The following PDZRN4 variants were observed in gnomAD, a reference collection of about 807,000 sequenced individuals.
The protein encoded by PDZRN4 is PDZ domain containing ring finger 4, also known as PDZ domain-containing RING finger protein 4.
A neutral mutation model predicts 99.0 loss-of-function variants in PDZRN4; 70 were observed. The observed-to-expected ratio is 0.71, with a 90% CI of 0.58 to 0.86. PDZRN4 has a LOEUF of 0.86. Ranked by LOEUF, PDZRN4 falls within the 40% of genes least tolerant of loss-of-function variation. PDZRN4 has a pLI of 0.00. For synonymous variants in PDZRN4, 551 were observed against 501.6 expected (o/e 1.10, Z -1.32); for missense variants, 1,474 against 1,331.2 (o/e 1.11, Z -1.67).
chr12:41,222,243 T>A (rs1250651431), intron 3 of PDZRN4, among the ~76,000 whole-genome samples: 1 of 152,198 alleles, frequency 6.6e-6, no homozygotes, highest in Non-Finnish European at 1.5e-5. Flanking sequence ...GACCTGCAGC[T>A]CATTTCCTGC....
intron 5 of PDZRN4, among the ~76,000 whole-genome samples, chr12:41,538,800 A>G (rs1414123423): frequency 1.3e-5 from 2 of 152,144 alleles, no homozygotes; most frequent in African/African-American, 4.8e-5. Context: ...TGTCATCATC[A>G]TTATACAAAC....
At chr12:41,489,196 C>G (rs1937833952) in intron 3 of PDZRN4, among the ~76,000 whole-genome samples, 1 of 152,052 alleles carries the variant, frequency 6.6e-6, no homozygotes, top group South Asian at 2.1e-4. Context: ...AAAGGTTGGA[C>G]ACCTCTGCTA....
intron 3 of PDZRN4, among the ~76,000 whole-genome samples, chr12:41,419,261 C>A (rs1284062643): frequency 6.6e-6 from 1 of 152,110 alleles, no homozygotes; most frequent in African/African-American, 2.4e-5. Context: ...GTCCTTGCTG[C>A]CAAATCATGT....
In PDZRN4 at chr12:41,189,019, G is replaced by A; in HGVS notation, c.564G>A (p.Thr188=). The A allele has an allele frequency of 6.4e-7, 1 of 1,559,496 alleles. No individual in the cohort carries two copies. The highest frequency in any genetic ancestry group is 8.6e-7 in the Non-Finnish European group (1 of 1,160,874). ...CGCTGCAGGGCGAGGTGCAGCTCACGGCGCGCAGGTACCAGGAGAAGTTCA... is the reference window on the plus strand; with the variant it reads ...CGCTGCAGGGCGAGGTGCAGCTCACAGCGCGCAGGTACCAGGAGAAGTTCA... ...LWALQGEVQL[T]ARRYQEKFTQ... is the part of the protein sequence containing the mutation. Residue 188 remains threonine (T), a synonymous_variant, in exon 1 of 10, where the codon ACG becomes ACA. Coordinates refer to ENST00000402685, the MANE Select transcript of PDZRN4 (RefSeq NM_001164595.2).
intron 9 of PDZRN4, 76 bp downstream of exon 9, chr12:41,567,975 T>C (rs2120849129): frequency 1.2e-6 from 1 of 832,198 alleles, no homozygotes; most frequent in East Asian, 2.6e-5. Context: ...TAAATGAAGA[T>C]GAAAACAAAA....
chr12:41,231,615 T>A (rs930260342), intron 3 of PDZRN4, among the ~76,000 whole-genome samples: 2 of 152,144 alleles, frequency 1.3e-5, no homozygotes, highest in Non-Finnish European at 2.9e-5. Flanking sequence ...TAGTCATTTT[T>A]ACTGTTTCAA....
intron 5 of PDZRN4, among the ~76,000 whole-genome samples, chr12:41,547,481 C>G (rs1011208612): frequency 2.0e-5 from 3 of 152,060 alleles, no homozygotes; most frequent in African/African-American, 7.2e-5. Flanking sequence ...CAAAAATTAG[C>G]CAGGGGTGGT....
At chr12:41,550,412 T>G (rs1939032503) in intron 5 of PDZRN4, among the ~76,000 whole-genome samples, 1 of 152,336 alleles carries the variant, frequency 6.6e-6, no homozygotes, top group Admixed American at 6.5e-5. Flanking sequence ...ACCTTGTTGC[T>G]GTAATTGAAG....
At chr12:41,471,770 AT>A (rs1952993109) in intron 3 of PDZRN4, among the ~76,000 whole-genome samples, 1 of 151,276 alleles carries the variant, frequency 6.6e-6, no homozygotes, top group Non-Finnish European at 1.5e-5. Context: ...TCGTTGAAAA[AT>A]ATGCTGAGAA....
chr12:41,291,347 G>A (rs1951455674), intron 3 of PDZRN4, among the ~76,000 whole-genome samples: 1 of 152,198 alleles, frequency 6.6e-6, no homozygotes, highest in South Asian at 2.1e-4. Flanking sequence ...TTAGGTGAAG[G>A]CCTTCGTGAG....
At chr12:41,384,869 G>A (rs11180875) in intron 3 of PDZRN4, among the ~76,000 whole-genome samples, 2,408 of 152,270 alleles carry the variant, frequency 0.016, 60 homozygotes, top group East Asian at 0.091. Context: ...TAAAGGTGGT[G>A]TATGCTAAAC....
chr12:41,319,166 AC>A (rs1303081536), intron 3 of PDZRN4, among the ~76,000 whole-genome samples: 2 of 152,074 alleles, frequency 1.3e-5, no homozygotes, highest in African/African-American at 4.8e-5. Flanking sequence ...AACAACAGAG[AC>A]CTTAACCTCC....
At chr12:41,457,575 G>A (rs1268056845) in intron 3 of PDZRN4, among the ~76,000 whole-genome samples, 1 of 152,104 alleles carries the variant, frequency 6.6e-6, no homozygotes, top group Admixed American at 6.5e-5. Flanking sequence ...AATAAAATGA[G>A]GGATTATTGT....
intron 3 of PDZRN4, among the ~76,000 whole-genome samples, chr12:41,311,271 AT>A (rs5797724): frequency 0.95 from 142,648 of 150,158 alleles, 68,200 homozygotes; most frequent in East Asian, 1. Flanking sequence ...AGCAATGAGA[AT>A]TTTTTTTTTT....
chr12:41,488,604 C>T (rs573262022), intron 3 of PDZRN4, among the ~76,000 whole-genome samples: 1 of 152,180 alleles, frequency 6.6e-6, no homozygotes, highest in South Asian at 2.1e-4. Flanking sequence ...TAGACAATGA[C>T]AGCTTCTGAG....
intron 3 of PDZRN4, among the ~76,000 whole-genome samples, chr12:41,285,952 T>A (rs1306460795): frequency 6.6e-6 from 1 of 151,960 alleles, no homozygotes; most frequent in Non-Finnish European, 1.5e-5. Context: ...TATACCTACA[T>A]AACAAACGTG....
At chr12:41,556,098 G>A (rs1334695922) in intron 7 of PDZRN4, among the ~76,000 whole-genome samples, 1 of 152,138 alleles carries the variant, frequency 6.6e-6, no homozygotes, top group Non-Finnish European at 1.5e-5. Context: ...ACCTATTGTT[G>A]TTGTGAATGT....
intron 9 of PDZRN4, among the ~76,000 whole-genome samples, chr12:41,571,854 A>T (rs1939487866): frequency 6.6e-6 from 1 of 152,040 alleles, no homozygotes; most frequent in Non-Finnish European, 1.5e-5. Flanking sequence ...TAGTCCTAAA[A>T]CTCTGTGATG....
chr12:41,421,498 G>C (rs114259902), intron 3 of PDZRN4, among the ~76,000 whole-genome samples: 1 of 152,024 alleles, frequency 6.6e-6, no homozygotes, highest in Non-Finnish European at 1.5e-5. Context: ...CAGCCTATTT[G>C]TATCTTTTTG....
Sources: gnomAD v4.1 joint callset for allele counts (sites outside exome capture counted in the v4.1 genomes callset) on GRCh38, gnomAD v4.1.1 for gene constraint, MANE v1.5 for transcripts, NCBI Gene and HGNC (gene_info 2026-07-23, HGNC 2026-07-21) for gene names.